Variants in L3MBTL4 observed in about 807,000 individuals in gnomAD.
L3MBTL4 encodes lethal(3)malignant brain tumor-like protein 4.
Under a neutral mutation model 84.5 loss-of-function variants are expected in L3MBTL4, and 70 were observed. The ratio of observed to expected loss-of-function variants is 0.83; its 90% CI spans 0.68 to 1.01. L3MBTL4 has a LOEUF of 1.01. L3MBTL4 is among the 50% of genes least tolerant of loss of function. The pLI is 0.00. For synonymous variants in L3MBTL4, 274 were observed against 259.8 expected, an observed-to-expected ratio of 1.05 and a Z score of -0.52; for missense variants, 715 against 754.8, an observed-to-expected ratio of 0.95 and a Z score of 0.62.
chr18:6,332,221 G>A (rs1192659411), intron 1 of L3MBTL4, among the ~76,000 whole-genome samples: 1 of 152,188 alleles, frequency 6.6e-6, no homozygotes, highest in East Asian at 1.9e-4. Flanking sequence ...GCTGAGGTAA[G>A]GATCTACTTT....
rs1165479646 is a variant in L3MBTL4 at position 6,243,284 on chromosome 18, C to T, written c.460+10G>A. 1.1e-5 allele frequency: 17 copies of T among 1,523,024 alleles called. No homozygotes were observed. Among genetic ancestry groups the T allele is most frequent in the Non-Finnish European group, 1.4e-5 (16 of 1,136,496 alleles). The allele number at this position is 1,523,024 out of a possible 1,614,324, so 94.3% of individuals were successfully genotyped here. On this transcript the variant is annotated intron_variant, in intron 7 of 18. Coordinates refer to ENST00000317931, the MANE Select transcript of L3MBTL4 (RefSeq NM_001330559.2). ...TTCTCTTTCCAGTTGGTAAATGTATCCTGGCTTACCCTTAGGGATGTGCAG... is the reference window on the plus strand; with the variant it reads ...TTCTCTTTCCAGTTGGTAAATGTATTCTGGCTTACCCTTAGGGATGTGCAG...
At chr18:5,981,068 C>T (rs1248113672) in intron 16 of L3MBTL4, among the ~76,000 whole-genome samples, 2 of 152,184 alleles carry the variant, frequency 1.3e-5, no homozygotes, top group African/African-American at 4.8e-5. Flanking sequence ...TCAGGTTTCT[C>T]TCTGTTCACA....
intron 14 of L3MBTL4, among the ~76,000 whole-genome samples, chr18:6,098,520 C>G (rs572049355): frequency 6.6e-6 from 1 of 152,134 alleles, no homozygotes; most frequent in Non-Finnish European, 1.5e-5. Flanking sequence ...AAATAAATAA[C>G]CCAGAAGTCA....
At chr18:6,060,483 C>T (rs1466737741) in intron 16 of L3MBTL4, among the ~76,000 whole-genome samples, 1 of 151,232 alleles carries the variant, frequency 6.6e-6, no homozygotes, top group Non-Finnish European at 1.5e-5. Flanking sequence ...ACAGAGATTT[C>T]CCATATGCCC....
chr18:6,314,162 A>C (rs146486764), intron 1 of L3MBTL4, among the ~76,000 whole-genome samples: 33 of 152,246 alleles, frequency 2.2e-4, no homozygotes, highest in African/African-American at 7.7e-4. Flanking sequence ...AGCATATTCT[A>C]CTCAACCGAA....
intron 13 of L3MBTL4, among the ~76,000 whole-genome samples, chr18:6,151,745 A>G (rs1289631631): frequency 6.6e-6 from 1 of 152,216 alleles, no homozygotes; most frequent in Non-Finnish European, 1.5e-5. Flanking sequence ...AAGATGTATG[A>G]CATGGTGATG....
In L3MBTL4 at chr18:5,958,130, AAAG is replaced by A. The variant is rs1195431903; in HGVS notation, c.1678-1746_1678-1744del. Among the ~76,000 whole-genome samples the A allele has an allele frequency of 7.3e-3, 231 of 31,826 alleles. 2 individuals carry two copies. The highest frequency in any genetic ancestry group is 0.011 in the Non-Finnish European group (146 of 12,772). The allele number at this position is 31,826 out of a possible 152,430, so 20.9% of individuals were successfully genotyped here. On this transcript the variant is annotated intron_variant, in intron 18 of 18. Coordinates refer to ENST00000317931, the MANE Select transcript of L3MBTL4 (RefSeq NM_001330559.2). Reference sequence around the variant, plus strand: ...AGAAGAAGAAGAAGAAGAAGAAGAAAAAGAAGAAGAAGAAGAAGAAGAAGAAGA... The same window carrying A: ...AGAAGAAGAAGAAGAAGAAGAAGAAAAAGAAGAAGAAGAAGAAGAAGAAGA...
chr18:6,198,010 C>T (rs2045483605), intron 12 of L3MBTL4, among the ~76,000 whole-genome samples: 3 of 152,176 alleles, frequency 2.0e-5, no homozygotes, highest in Non-Finnish European at 4.4e-5. Flanking sequence ...CTTAATTCAG[C>T]CTGTTTCTTT....
At chr18:6,350,987 T>A (rs1032703795) in intron 1 of L3MBTL4, among the ~76,000 whole-genome samples, 12 of 151,412 alleles carry the variant, frequency 7.9e-5, no homozygotes, top group African/African-American at 2.7e-4. Flanking sequence ...AGGTCAGGAG[T>A]TCAAGACCAG....
intron 4 of L3MBTL4, among the ~76,000 whole-genome samples, chr18:6,295,363 T>TAC: frequency 1.3e-5 from 2 of 148,490 alleles, no homozygotes; most frequent in South Asian, 4.3e-4. Context: ...TATATATATA[T>TAC]ATATATATAC....
intron 5 of L3MBTL4, among the ~76,000 whole-genome samples, chr18:6,247,473 T>A (rs1479609352): frequency 7.9e-6 from 1 of 126,374 alleles, no homozygotes; most frequent in African/African-American, 3.4e-5. Flanking sequence ...CTGATTTTTT[T>A]TTTTTTTTTT....
At chr18:6,084,269 G>T (rs1484225781) in intron 15 of L3MBTL4, among the ~76,000 whole-genome samples, 1 of 152,102 alleles carries the variant, frequency 6.6e-6, no homozygotes, top group East Asian at 1.9e-4. Flanking sequence ...CACAGCCACG[G>T]TCACTTCTCT....
intron 12 of L3MBTL4, among the ~76,000 whole-genome samples, chr18:6,179,089 A>C (rs905744870): frequency 6.6e-5 from 10 of 152,254 alleles, no homozygotes; most frequent in African/African-American, 2.4e-4. Flanking sequence ...TTGGGGCTAA[A>C]TTGAATGCTC....
chr18:6,192,015 AAAG>A (rs534096541), intron 12 of L3MBTL4, among the ~76,000 whole-genome samples: 3,537 of 138,010 alleles, frequency 0.026, 151 homozygotes, highest in African/African-American at 0.12. Flanking sequence ...TCAAAAAAAA[AAAG>A]AAAGAAAGAA....
chr18:6,081,668 T>C (rs1342674711), intron 15 of L3MBTL4, among the ~76,000 whole-genome samples: 1 of 152,368 alleles, frequency 6.6e-6, no homozygotes, highest in Non-Finnish European at 1.5e-5. Context: ...AGCAAGTCTC[T>C]CATTTCATTT....
intron 16 of L3MBTL4, among the ~76,000 whole-genome samples, chr18:5,978,367 C>T (rs2053051752): frequency 6.6e-6 from 1 of 152,068 alleles, no homozygotes; most frequent in Non-Finnish European, 1.5e-5. Flanking sequence ...TTTTTGATGG[C>T]TAGAGAGCAA....
At chr18:6,073,348 A>G (rs912617057) in intron 16 of L3MBTL4, among the ~76,000 whole-genome samples, 1 of 152,164 alleles carries the variant, frequency 6.6e-6, no homozygotes, top group African/African-American at 2.4e-5. Context: ...AAATTCCTAG[A>G]AAAACTAATA....
intron 17 of L3MBTL4, among the ~76,000 whole-genome samples, chr18:5,961,526 A>G (rs1413424121): frequency 6.6e-6 from 1 of 152,152 alleles, no homozygotes; most frequent in Non-Finnish European, 1.5e-5. Flanking sequence ...TGGTGCTACA[A>G]ATACATTCAT....
chr18:6,032,385 TACACACAC>T (rs111595039), intron 16 of L3MBTL4: 34 of 346,900 alleles, frequency 9.8e-5, no homozygotes, highest in Non-Finnish European at 1.2e-4. Flanking sequence ...TGAAATATGT[TACACACAC>T]ACACACACAC....
Sources: allele counts gnomAD v4.1 joint callset (sites outside exome capture counted in the v4.1 genomes callset), GRCh38; gene constraint gnomAD v4.1.1; transcripts MANE v1.5; gene names NCBI Gene and HGNC (gene_info 2026-07-23, HGNC 2026-07-21).